The following PALLD variants were observed in gnomAD, a reference collection of about 807,000 sequenced individuals.
The protein encoded by PALLD is palladin.
In PALLD, 61 loss-of-function variants were observed where a neutral mutation model predicts 123.5. The ratio of observed to expected loss-of-function variants is 0.49; its 90% CI spans 0.40 to 0.61. The LOEUF is 0.61. Among genes scored for constraint, PALLD ranks in the 20% least tolerant of loss-of-function variants. PALLD has a pLI of 0.00. For missense variants in PALLD, 1,273 were observed against 1,377.0 expected (o/e 0.92, Z 1.20); for synonymous variants, 465 against 496.4 (o/e 0.94, Z 0.84).
At chr4:168,631,893 C>T (rs1041723685) in intron 2 of PALLD, 2 of 985,334 alleles carry the variant, frequency 2.0e-6, no homozygotes, top group Admixed American at 6.1e-5. Context: ...GCGTTTTGCG[C>T]CCAACTGGTA....
chr4:168,766,049 C>T (rs72986834), intron 10 of PALLD, among the ~76,000 whole-genome samples: 1,873 of 152,314 alleles, frequency 0.012, 38 homozygotes, highest in African/African-American at 0.042. Context: ...AGGGATTTCA[C>T]AGTTTCTGGT....
At chr4:168,779,361 G>C (rs906814915) in intron 10 of PALLD, among the ~76,000 whole-genome samples, 1 of 152,004 alleles carries the variant, frequency 6.6e-6, no homozygotes, top group South Asian at 2.1e-4. Flanking sequence ...TTGTTCTTCA[G>C]GAACTGTTCA....
chr4:168,803,852 G>T (rs75149005), intron 10 of PALLD, among the ~76,000 whole-genome samples: 1 of 152,126 alleles, frequency 6.6e-6, no homozygotes, highest in Non-Finnish European at 1.5e-5. Context: ...AGTGCAAAAC[G>T]GTGTATGAAG....
chr4:168,556,910 A>T (rs1013365831), intron 2 of PALLD, among the ~76,000 whole-genome samples: 1 of 152,184 alleles, frequency 6.6e-6, no homozygotes, highest in Admixed American at 6.5e-5. Flanking sequence ...TTATAGCCCT[A>T]CTTTATTCTA....
At chr4:168,787,784 C>T (rs1736955708) in intron 10 of PALLD, among the ~76,000 whole-genome samples, 1 of 152,216 alleles carries the variant, frequency 6.6e-6, no homozygotes, top group Non-Finnish European at 1.5e-5. Context: ...TTTCCCTAAG[C>T]TCTTGCTCCT....
chr4:168,527,446 T>TAAAAAAAAAAAAAAA (rs1764178114), intron 2 of PALLD, among the ~76,000 whole-genome samples: 1 of 66,056 alleles, frequency 1.5e-5, no homozygotes, highest in African/African-American at 7.5e-5. Flanking sequence ...AAAAAAAAAG[T>TAAAAAAAAAAAAAAA]CATGCTCATG....
chr4:168,592,018 A>ATT (rs10672786), intron 2 of PALLD, among the ~76,000 whole-genome samples: 18,029 of 138,842 alleles, frequency 0.13, 1,303 homozygotes, highest in Non-Finnish European at 0.14. Flanking sequence ...ACTATTATGG[A>ATT]TTTTTTTTTT....
chr4:168,532,695 A>T (rs1184522433), intron 2 of PALLD, among the ~76,000 whole-genome samples: 3 of 152,202 alleles, frequency 2.0e-5, no homozygotes, highest in African/African-American at 7.2e-5. Context: ...TAAAATGTAG[A>T]TCACACAGGA....
At chr4:168,817,704 T>C (rs1742175684) in intron 10 of PALLD, among the ~76,000 whole-genome samples, 1 of 152,206 alleles carries the variant, frequency 6.6e-6, no homozygotes, top group African/African-American at 2.4e-5. Context: ...CTAAACATAA[T>C]TTGAAACAAC....
intron 2 of PALLD, among the ~76,000 whole-genome samples, chr4:168,538,070 G>A (rs1765259690): frequency 6.6e-6 from 1 of 152,138 alleles, no homozygotes. Flanking sequence ...ACCAAAACAA[G>A]CTGTGTTTTT....
At position 168,789,661 on chromosome 4, in the gene PALLD, G is replaced by A. The variant is rs1156450546; in HGVS notation, c.1964+77738G>A. Among the ~76,000 whole-genome samples the A allele has an allele frequency of 6.1e-5, 9 of 147,736 alleles. No individual in the cohort carries two copies. In the Admixed American group the frequency reaches 6.1e-4, roughly 10 times the overall value. On this transcript the variant is annotated intron_variant, in intron 10 of 21. Coordinates refer to ENST00000505667, the MANE Select transcript of PALLD (RefSeq NM_001166108.2). ...AGAGGTTGCAGTGAGCCGAGATCGT[G>A]CCACTGCATTCCAGCCTGGCAACAG...
chr4:168,818,441 AT>A (rs1742272044), intron 10 of PALLD, among the ~76,000 whole-genome samples: 1 of 152,176 alleles, frequency 6.6e-6, no homozygotes, highest in South Asian at 2.1e-4. Flanking sequence ...CTACAAAAAA[AT>A]ATTTCGAAAA....
intron 10 of PALLD, among the ~76,000 whole-genome samples, chr4:168,747,776 A>G (rs1195274655): frequency 6.6e-6 from 1 of 152,246 alleles, no homozygotes; most frequent in Non-Finnish European, 1.5e-5. Flanking sequence ...TTTTAGAGAT[A>G]GATTATTAAC....
intron 16 of PALLD, 128 bp from the exon 17 acceptor site, chr4:168,915,767 C>G (rs1759960478): frequency 8.5e-6 from 6 of 703,742 alleles, no homozygotes; most frequent in Non-Finnish European, 1.2e-5. Flanking sequence ...ATGTGTAAAT[C>G]TTAGCTGTAG....
Position 168,690,615 on chromosome 4 carries a change from A to G in PALLD, c.1348A>G (p.Thr450Ala), listed in dbSNP as rs1782528961. Residue 450 changes from threonine (T) to alanine (A), a missense_variant, in exon 7 of 22, where the codon ACA (threonine) becomes GCA (alanine). By Grantham distance (58) the Thr-to-Ala change is moderately conservative. Coordinates refer to ENST00000505667, the MANE Select transcript of PALLD (RefSeq NM_001166108.2). Reference sequence around the variant, plus strand: ...CCTTGAATTTCAGGAACTGCAAAACACAGCCGTGGCGGAAGGCCAGGTGGT... The same window carrying G: ...CCTTGAATTTCAGGAACTGCAAAACGCAGCCGTGGCGGAAGGCCAGGTGGT... ...PPVFTKELQN[T>A]AVAEGQVVVL... 6.2e-7 allele frequency: 1 copy of G among 1,614,132 alleles called. No individual in the cohort carries two copies. Among genetic ancestry groups the G allele is most frequent in the Admixed American group, 1.7e-5 (1 of 60,008 alleles).
At chr4:168,497,699 G>C (rs1425876875) in intron 1 of PALLD, among the ~76,000 whole-genome samples, 2 of 152,198 alleles carry the variant, frequency 1.3e-5, no homozygotes, top group Non-Finnish European at 2.9e-5. Flanking sequence ...AATTAAATGA[G>C]TTGGGATAGT....
intron 2 of PALLD, among the ~76,000 whole-genome samples, chr4:168,614,385 G>A (rs1290518507): frequency 2.0e-5 from 3 of 152,174 alleles, no homozygotes; most frequent in South Asian, 2.1e-4. Flanking sequence ...GAGAGGGAGA[G>A]AGCAGCCACA....
chr4:168,788,004 T>C (rs1244368540), intron 10 of PALLD, among the ~76,000 whole-genome samples: 1 of 152,242 alleles, frequency 6.6e-6, no homozygotes, highest in East Asian at 1.9e-4. Context: ...TCATTGGCGT[T>C]AAGTTGTTAA....
chr4:168,690,720 C>A lies in PALLD; in HGVS notation c.1453C>A (p.Pro485Thr). 6.2e-7 allele frequency: 1 copy of A among 1,614,128 alleles called. No homozygotes were observed. Among genetic ancestry groups the A allele is most frequent in the Non-Finnish European group, 8.5e-7 (1 of 1,180,004 alleles). Reference sequence around the variant, plus strand: ...GCAAGGGAGTGAAATCCAAGACTCTCCAGATTTCCGAATTCTACAGAAAAG... The same window carrying A: ...GCAAGGGAGTGAAATCCAAGACTCTACAGATTTCCGAATTCTACAGAAAAG... ...FRQGSEIQDS[P>T]DFRILQKKPR... Residue 485 changes from proline (P) to threonine (T), a missense_variant, in exon 7 of 22, where the codon CCA becomes ACA. Pro to Thr is a conservative substitution (Grantham distance 38). This residue lies in a region of PALLD where 944 missense variants were observed against 954.5 expected (regional missense o/e 0.99). Coordinates refer to ENST00000505667, the MANE Select transcript of PALLD (RefSeq NM_001166108.2).
Sources: allele counts gnomAD v4.1 joint callset (sites outside exome capture counted in the v4.1 genomes callset), GRCh38; gene constraint gnomAD v4.1.1; regional missense constraint gnomAD v4.1.1; transcripts MANE v1.5; gene names NCBI Gene and HGNC (gene_info 2026-07-23, HGNC 2026-07-21).